Variants in DPH6 observed in about 807,000 individuals in gnomAD.
DPH6 encodes diphthine--ammonia ligase.
In DPH6, 33 loss-of-function variants were observed where a neutral mutation model predicts 38.2. The observed-to-expected ratio is 0.86, with a 90% CI of 0.65 to 1.15. The LOEUF is 1.15. Among genes scored for constraint, DPH6 ranks in the 50% most tolerant of loss-of-function variants. The pLI, the probability that DPH6 is intolerant of heterozygous loss-of-function variation, is 0.00. For missense variants in DPH6, 325 were observed against 320.0 expected, an observed-to-expected ratio of 1.02 and a Z score of -0.12; for synonymous variants, 108 against 103.0, an observed-to-expected ratio of 1.05 and a Z score of -0.30.
At chr15:35,188,247 T>C in the DPH6 span, among the ~76,000 whole-genome samples, 1 of 152,172 alleles carries the variant, frequency 6.6e-6, no homozygotes, top group African/African-American at 2.4e-5. Context: ...TGGGCTCACC[T>C]ATGCACACTA....
intron 3 of DPH6, chr15:35,237,111 A>T (rs1232192868): frequency 5.3e-6 from 3 of 569,900 alleles, no homozygotes; most frequent in Admixed American, 3.1e-5. Context: ...TTCCTCTACA[A>T]TTTTACTTGA....
intron 3 of DPH6, among the ~76,000 whole-genome samples, chr15:35,276,040 G>GT (rs2051856625): frequency 2.6e-5 from 4 of 152,130 alleles, no homozygotes; most frequent in Non-Finnish European, 1.5e-5. Context: ...TTCCATAGTG[G>GT]TTTTACTAGT....
At chr15:35,273,425 CTGAG>C (rs1043464501) in intron 3 of DPH6, among the ~76,000 whole-genome samples, 1 of 152,118 alleles carries the variant, frequency 6.6e-6, no homozygotes, top group African/African-American at 2.4e-5. Context: ...TTTTCCATTC[CTGAG>C]TTACTTCACT....
At chr15:35,313,296 C>A (rs1039326846) in intron 3 of DPH6, among the ~76,000 whole-genome samples, 1 of 149,528 alleles carries the variant, frequency 6.7e-6, no homozygotes, top group Non-Finnish European at 1.5e-5. Context: ...GTTCTTTTGG[C>A]TCAGGATTGC....
At chr15:35,169,110 T>C in the DPH6 span, among the ~76,000 whole-genome samples, 9 of 152,142 alleles carry the variant, frequency 5.9e-5, no homozygotes, top group African/African-American at 2.2e-4. Flanking sequence ...TTTAGAAATA[T>C]CTGATGTAGG....
chr15:35,214,038 C>T (rs986482916), downstream of DPH6, among the ~76,000 whole-genome samples: 66 of 150,794 alleles, frequency 4.4e-4, no homozygotes, highest in African/African-American at 1.5e-3. Context: ...CGTGAACCCG[C>T]GAGACAGAGC....
At chr15:35,178,212 A>T in the DPH6 span, among the ~76,000 whole-genome samples, 1 of 152,210 alleles carries the variant, frequency 6.6e-6, no homozygotes, top group Admixed American at 6.5e-5. Context: ...TCAAAAAATA[A>T]CTTTTTGGGT....
intron 5 of DPH6, among the ~76,000 whole-genome samples, chr15:35,418,675 A>G (rs2053466054): frequency 6.6e-6 from 1 of 152,084 alleles, no homozygotes; most frequent in Admixed American, 6.5e-5. Flanking sequence ...TGCCTGTTTT[A>G]TTTAATTGCA....
At chr15:35,542,324 TCA>T in intron 2 of DPH6, 87 bp downstream of exon 2, 3 of 1,086,474 alleles carry the variant, frequency 2.8e-6, no homozygotes, top group South Asian at 1.9e-5. Flanking sequence ...TCTTTTTTTT[TCA>T]TCTTTGTACG....
At chr15:35,242,848 T>C (rs2051609623) in intron 3 of DPH6, among the ~76,000 whole-genome samples, 1 of 141,844 alleles carries the variant, frequency 7.1e-6, no homozygotes, top group Admixed American at 7.7e-5. Context: ...ATCCCTACTA[T>C]CTTCTGTCTA....
At chr15:35,149,427 C>T in the DPH6 span, among the ~76,000 whole-genome samples, 3 of 152,082 alleles carry the variant, frequency 2.0e-5, no homozygotes, top group Admixed American at 6.5e-5. Flanking sequence ...TTAGTAGAGA[C>T]GGGGTTTCAC....
chr15:35,239,366 G>A (rs1192560961), intron 3 of DPH6, among the ~76,000 whole-genome samples: 1 of 143,386 alleles, frequency 7.0e-6, no homozygotes, highest in Non-Finnish European at 1.5e-5. Context: ...TTTATCTGTG[G>A]ACCCCAAACT....
exon 4 of DPH6, chr15:35,219,462 A>T (rs1246012244): frequency 6.6e-6 from 1 of 152,218 alleles, no homozygotes; most frequent in Non-Finnish European, 1.5e-5. Context: ...TTGAAAAGCA[A>T]CAGCTGTGTA....
chr15:35,331,496 A>G (rs532601568), intron 3 of DPH6, among the ~76,000 whole-genome samples: 2 of 152,220 alleles, frequency 1.3e-5, no homozygotes, highest in Non-Finnish European at 2.9e-5. Context: ...GCAGGATTCA[A>G]AAGAACACTG....
At chr15:35,401,755 G>A in intron 6 of DPH6, 1 of 687,376 alleles carries the variant, frequency 1.5e-6, no homozygotes, top group Non-Finnish European at 2.7e-6. Context: ...TACGACAGTG[G>A]CAGAAGATTT....
chr15:35,496,567 A>AAAATATATAT lies in DPH6; in HGVS notation c.312+41706_312+41707insATATATATTT. ...GAAAGTTCCATCTCAAAAAAAAAAA[A>AAAATATATAT]ATATATATATATATATATATATATC... On this transcript the variant is annotated intron_variant, in intron 3 of 8. Transcript: ENST00000256538. 1.0e-3 allele frequency among the ~76,000 whole-genome samples: 31 copies of AAAATATATAT among 30,996 alleles called. 1 individual carries two copies. Among genetic ancestry groups the AAAATATATAT allele is most frequent in the East Asian group, 6.1e-3 (2 of 328 alleles). 20.3% of individuals were successfully genotyped at this position (30,996 alleles called of 152,430 possible). A position where few individuals can be genotyped will look rare whatever the true frequency, so the allele number is the denominator to read the frequency against.
At chr15:35,422,998 T>G (rs1361755863) in intron 5 of DPH6, among the ~76,000 whole-genome samples, 1 of 151,886 alleles carries the variant, frequency 6.6e-6, no homozygotes, top group Non-Finnish European at 1.5e-5. Context: ...TCTTAGTGAT[T>G]GTGAATAATG....
chr15:35,533,538 GAAAAC>G (rs990081481), intron 3 of DPH6, among the ~76,000 whole-genome samples: 4 of 151,840 alleles, frequency 2.6e-5, no homozygotes, highest in Non-Finnish European at 5.9e-5. Context: ...GAGAGAAACA[GAAAAC>G]AAAACAAAAC....
intron 3 of DPH6, among the ~76,000 whole-genome samples, chr15:35,516,879 T>C (rs11854231): frequency 0.018 from 2,777 of 152,246 alleles, 87 homozygotes; most frequent in African/African-American, 0.062. Flanking sequence ...CCTACACCTT[T>C]ATTTGTAAGC....
Sources: gnomAD v4.1 joint callset for allele counts (sites outside exome capture counted in the v4.1 genomes callset) on GRCh38, gnomAD v4.1.1 for gene constraint, MANE v1.5 for transcripts, NCBI Gene and HGNC (gene_info 2026-07-23, HGNC 2026-07-21) for gene names.